Variants in PDE4D observed in about 807,000 individuals in gnomAD.
PDE4D encodes the protein 3',5'-cyclic-AMP phosphodiesterase 4D.
A neutral mutation model predicts 87.4 loss-of-function variants in PDE4D; 24 were observed. That is an observed-to-expected ratio of 0.27 (90% CI 0.20 to 0.39). The LOEUF is 0.39. Among genes scored for constraint, PDE4D ranks in the 10% least tolerant of loss-of-function variants. PDE4D has a pLI of 1.00. For missense variants in PDE4D, 714 were observed against 1,041.0 expected (o/e 0.69, Z 4.32); for synonymous variants, 384 against 383.2 (o/e 1.00, Z -0.02).
chr5:59,674,812 T>C (rs1180589533), intron 1 of PDE4D, among the ~76,000 whole-genome samples: 1 of 152,232 alleles, frequency 6.6e-6, no homozygotes, highest in Non-Finnish European at 1.5e-5. Context: ...ACATAAGATA[T>C]TACTCACAAT....
intron 3 of PDE4D, among the ~76,000 whole-genome samples, chr5:59,923,435 C>T (rs1422004266): frequency 1.3e-5 from 2 of 152,170 alleles, no homozygotes. Context: ...CAGGTCTGAC[C>T]CAGCGCCATC....
intron 1 of PDE4D, among the ~76,000 whole-genome samples, chr5:59,283,278 T>A (rs1357698146): frequency 6.6e-6 from 1 of 152,184 alleles, no homozygotes; most frequent in African/African-American, 2.4e-5. Flanking sequence ...AGTATTTGAT[T>A]TAAAATAATT....
chr5:60,023,437 C>T (rs1296221300), intron 2 of PDE4D, among the ~76,000 whole-genome samples: 1 of 152,146 alleles, frequency 6.6e-6, no homozygotes. Flanking sequence ...GCATTCCCCC[C>T]ACCAATAATT....
At chr5:59,861,360 C>T (rs1265950436) in intron 1 of PDE4D, among the ~76,000 whole-genome samples, 2 of 152,106 alleles carry the variant, frequency 1.3e-5, no homozygotes, top group African/African-American at 2.4e-5. Context: ...AACAAAGCCT[C>T]AGCTGGAGGA....
chr5:58,996,047 C>A (rs1380466761), intron 6 of PDE4D, among the ~76,000 whole-genome samples: 1 of 152,086 alleles, frequency 6.6e-6, no homozygotes, highest in Admixed American at 6.6e-5. Flanking sequence ...AACAGAAAAC[C>A]AAACACCACA....
chr5:59,450,215 A>C (rs1050696906), intron 1 of PDE4D, among the ~76,000 whole-genome samples: 11 of 152,238 alleles, frequency 7.2e-5, no homozygotes, highest in Non-Finnish European at 1.5e-4. Context: ...CACACATTAC[A>C]CTTAGCGTGA....
chr5:60,239,280 A>C (rs1746797201), intron 1 of PDE4D, among the ~76,000 whole-genome samples: 1 of 152,058 alleles, frequency 6.6e-6, no homozygotes, highest in Non-Finnish European at 1.5e-5. Flanking sequence ...TCTATTTCTA[A>C]ACCTAGTATA....
intron 1 of PDE4D, among the ~76,000 whole-genome samples, chr5:59,386,520 GA>G (rs775119015): frequency 6.8e-6 from 1 of 146,582 alleles, no homozygotes; most frequent in Non-Finnish European, 1.5e-5. Flanking sequence ...CCATGTTTTA[GA>G]ATATGACTTG....
chr5:59,038,459 C>CT (rs2153392930), intron 6 of PDE4D, among the ~76,000 whole-genome samples: 1 of 152,270 alleles, frequency 6.6e-6, no homozygotes, highest in African/African-American at 2.4e-5. Context: ...TCGATGAACT[C>CT]TTCTGAGTTT....
chr5:60,448,353 G>A (rs991974887), intron 1 of PDE4D, among the ~76,000 whole-genome samples: 1 of 152,062 alleles, frequency 6.6e-6, no homozygotes, highest in Admixed American at 6.6e-5. Flanking sequence ...AGGATTTCTT[G>A]GAACAGAATG....
At chr5:59,356,655 A>C (rs1385891210) in intron 1 of PDE4D, 15 of 838,256 alleles carry the variant, frequency 1.8e-5, no homozygotes, top group Non-Finnish European at 2.5e-5. Context: ...TCAATTTAAC[A>C]AGCATTAGGA....
chr5:60,215,505 T>C (rs980986581), intron 1 of PDE4D, among the ~76,000 whole-genome samples: 1 of 152,122 alleles, frequency 6.6e-6, no homozygotes, highest in African/African-American at 2.4e-5. Flanking sequence ...GGAGCAAATA[T>C]TTTCATTTTT....
At chr5:59,275,352 A>C in intron 1 of PDE4D, 5 of 1,596,934 alleles carry the variant, frequency 3.1e-6, no homozygotes, top group Non-Finnish European at 4.2e-6. Context: ...CTGCCTCTGC[A>C]GTCCTTAGGG....
intron 1 of PDE4D, among the ~76,000 whole-genome samples, chr5:60,501,202 C>T (rs963901293): frequency 8.6e-5 from 13 of 152,034 alleles, no homozygotes; most frequent in Admixed American, 3.3e-4. Flanking sequence ...TTCCTGTGTC[C>T]ATGTGTTCTC....
intron 1 of PDE4D, among the ~76,000 whole-genome samples, chr5:59,782,025 A>G (rs953757499): frequency 2.0e-5 from 3 of 152,186 alleles, no homozygotes; most frequent in Admixed American, 6.5e-5. Flanking sequence ...TTAGGAAGGG[A>G]TGAGAGTTTT....
At chr5:59,369,909 A>T (rs1783688466) in intron 1 of PDE4D, among the ~76,000 whole-genome samples, 1 of 151,384 alleles carries the variant, frequency 6.6e-6, no homozygotes. Flanking sequence ...CACTAAACCT[A>T]CTCCTCCCTT....
chr5:59,065,392 T>C (rs1763781453), intron 5 of PDE4D, among the ~76,000 whole-genome samples: 1 of 152,114 alleles, frequency 6.6e-6, no homozygotes. Context: ...AAATAAGTTC[T>C]GGAAAGCTGC....
At chr5:59,868,785 A>C (rs1244392015) in intron 1 of PDE4D, among the ~76,000 whole-genome samples, 1 of 152,212 alleles carries the variant, frequency 6.6e-6, no homozygotes, top group African/African-American at 2.4e-5. Context: ...TCTTTGTGTA[A>C]TGTAGTTTCT....
intron 1 of PDE4D, among the ~76,000 whole-genome samples, chr5:59,410,884 A>C (rs575577277): frequency 6.6e-6 from 1 of 152,200 alleles, no homozygotes; most frequent in African/African-American, 2.4e-5. Flanking sequence ...TTATAAGGCT[A>C]ACTGACAGAG....
Sources: allele counts gnomAD v4.1 joint callset (sites outside exome capture counted in the v4.1 genomes callset), GRCh38; gene constraint gnomAD v4.1.1; transcripts MANE v1.5; gene names NCBI Gene and HGNC (gene_info 2026-07-23, HGNC 2026-07-21).